The following ADGRB3 variants were observed in gnomAD, a reference collection of about 807,000 sequenced individuals.
The protein encoded by ADGRB3 is adhesion G protein-coupled receptor B3.
ADGRB3 carries 37 observed loss-of-function variants against 193.4 expected under a neutral mutation model. That is an observed-to-expected ratio of 0.19 (90% confidence interval 0.15 to 0.25). ADGRB3 has a LOEUF of 0.25. Among genes scored for constraint, ADGRB3 ranks in the 10% least tolerant of loss-of-function variants. The probability of loss-of-function intolerance (pLI) is 1.00; values close to 1 mark genes in which losing one functional copy is unlikely to be tolerated. For missense variants in ADGRB3, 1,637 were observed against 1,852.9 expected, an observed-to-expected ratio of 0.88 and a Z score of 2.14; for synonymous variants, 690 against 644.2, an observed-to-expected ratio of 1.07 and a Z score of -1.08.
At chr6:68,837,303 A>G (rs1768064720) in intron 3 of ADGRB3, among the ~76,000 whole-genome samples, 1 of 152,230 alleles carries the variant, frequency 6.6e-6, no homozygotes, top group Admixed American at 6.5e-5. Context: ...ATAAATAAAG[A>G]TGCTAACAAT....
intron 17 of ADGRB3, among the ~76,000 whole-genome samples, chr6:69,137,333 A>G (rs1312500407): frequency 6.6e-6 from 1 of 151,886 alleles, no homozygotes; most frequent in Non-Finnish European, 1.5e-5. Flanking sequence ...AGTTCACAAA[A>G]TGATAAAGTA....
intron 11 of ADGRB3, among the ~76,000 whole-genome samples, chr6:69,008,133 C>T (rs531396666): frequency 6.6e-6 from 1 of 152,122 alleles, no homozygotes; most frequent in Non-Finnish European, 1.5e-5. Context: ...ATTACATTGT[C>T]AACAGCTGAA....
At chr6:68,650,355 T>C (rs575174214) in intron 3 of ADGRB3, among the ~76,000 whole-genome samples, 1 of 152,238 alleles carries the variant, frequency 6.6e-6, no homozygotes, top group South Asian at 2.1e-4. Context: ...TTTAATTGCA[T>C]CACAATTTTT....
intron 17 of ADGRB3, among the ~76,000 whole-genome samples, chr6:69,150,548 C>A (rs1399476658): frequency 2.0e-5 from 3 of 152,196 alleles, no homozygotes; most frequent in African/African-American, 7.2e-5. Context: ...AAATTCCATT[C>A]AAGAGCCAAG....
intron 17 of ADGRB3, among the ~76,000 whole-genome samples, chr6:69,170,575 C>G (rs1191278935): frequency 6.6e-6 from 1 of 152,148 alleles, no homozygotes; most frequent in Non-Finnish European, 1.5e-5. Context: ...TACAGAACCA[C>G]CACATTTCCC....
chr6:68,824,721 A>T (rs9363967), intron 3 of ADGRB3, among the ~76,000 whole-genome samples: 20,310 of 149,990 alleles, frequency 0.14, 2,487 homozygotes, highest in East Asian at 0.64. Flanking sequence ...TCTTCTGGGA[A>T]TTTTTCCCCC....
intron 3 of ADGRB3, among the ~76,000 whole-genome samples, chr6:68,844,715 A>T (rs1245386128): frequency 2.0e-5 from 3 of 152,170 alleles, no homozygotes; most frequent in Non-Finnish European, 4.4e-5. Context: ...GAAGCAACCT[A>T]TGTGTCCCAT....
chr6:68,730,560 C>G (rs975090380), intron 3 of ADGRB3, among the ~76,000 whole-genome samples: 6 of 151,728 alleles, frequency 4.0e-5, no homozygotes, highest in African/African-American at 1.4e-4. Context: ...GCAATTGACT[C>G]TTAACTATTA....
intron 11 of ADGRB3, among the ~76,000 whole-genome samples, chr6:69,010,151 A>G (rs1487967696): frequency 6.6e-6 from 1 of 152,132 alleles, no homozygotes; most frequent in African/African-American, 2.4e-5. Context: ...AAGAATGATC[A>G]TGCCTCTTTG....
At chr6:69,077,573 T>TA (rs1772268719) in intron 17 of ADGRB3, among the ~76,000 whole-genome samples, 1 of 152,026 alleles carries the variant, frequency 6.6e-6, no homozygotes, top group African/African-American at 2.4e-5. Flanking sequence ...CCTTATTTTG[T>TA]GCCTCCTGTT....
At chr6:69,085,290 C>T (rs145513423) in intron 17 of ADGRB3, among the ~76,000 whole-genome samples, 17 of 152,170 alleles carry the variant, frequency 1.1e-4, no homozygotes, top group South Asian at 2.1e-4. Flanking sequence ...GAATTCATCC[C>T]ATATTTCTCA....
intron 26 of ADGRB3, among the ~76,000 whole-genome samples, chr6:69,347,863 C>G (rs531104898): frequency 6.6e-6 from 1 of 152,110 alleles, no homozygotes; most frequent in Non-Finnish European, 1.5e-5. Flanking sequence ...CTGGATTTTA[C>G]CAAAACAGAG....
intron 20 of ADGRB3, among the ~76,000 whole-genome samples, chr6:69,275,770 A>G (rs1767290551): frequency 6.6e-6 from 1 of 152,078 alleles, no homozygotes. Flanking sequence ...ACTAGTAGAT[A>G]TTTTCACAGT....
chr6:68,767,998 C>G (rs1243218342), intron 3 of ADGRB3, among the ~76,000 whole-genome samples: 1 of 152,146 alleles, frequency 6.6e-6, no homozygotes, highest in African/African-American at 2.4e-5. Context: ...TGAAGGACCT[C>G]TTCAATAAGA....
At chr6:68,710,809 A>G (rs1765395948) in intron 3 of ADGRB3, among the ~76,000 whole-genome samples, 1 of 152,104 alleles carries the variant, frequency 6.6e-6, no homozygotes, top group Non-Finnish European at 1.5e-5. Context: ...CCTTAGGTTC[A>G]GCTGGCATCT....
At chr6:69,116,468 T>A (rs1773535890) in intron 17 of ADGRB3, among the ~76,000 whole-genome samples, 1 of 152,166 alleles carries the variant, frequency 6.6e-6, no homozygotes, top group Admixed American at 6.5e-5. Context: ...ATGAGGAGAT[T>A]GGACATGAAA....
At chr6:69,268,642 A>G (rs1767102593) in intron 20 of ADGRB3, among the ~76,000 whole-genome samples, 1 of 152,196 alleles carries the variant, frequency 6.6e-6, no homozygotes, top group South Asian at 2.1e-4. Flanking sequence ...TGTTCTCAGC[A>G]TGGAAGCAGT....
At chr6:69,343,802 C>A (rs988125823) in intron 26 of ADGRB3, among the ~76,000 whole-genome samples, 1 of 152,072 alleles carries the variant, frequency 6.6e-6, no homozygotes, top group Non-Finnish European at 1.5e-5. Flanking sequence ...GAACCTAAAT[C>A]TTAGAAGCTA....
intron 20 of ADGRB3, among the ~76,000 whole-genome samples, chr6:69,316,855 C>T (rs1768323256): frequency 1.3e-5 from 2 of 151,374 alleles, no homozygotes; most frequent in African/African-American, 4.8e-5. Flanking sequence ...GAAAACAAAC[C>T]AGAATACTGG....
Sources: gnomAD v4.1 joint callset for allele counts (sites outside exome capture counted in the v4.1 genomes callset) on GRCh38, gnomAD v4.1.1 for gene constraint, MANE v1.5 for transcripts, NCBI Gene and HGNC (gene_info 2026-07-23, HGNC 2026-07-21) for gene names.